JHY: variants seen among roughly 807,000 people sequenced by gnomAD.
The protein encoded by JHY is junctional cadherin complex regulator.
JHY carries 69 observed loss-of-function variants against 78.0 expected under a neutral mutation model. The observed-to-expected ratio is 0.88, with a 90% CI of 0.73 to 1.08. The LOEUF is 1.08. Ranked by LOEUF, JHY falls within the 50% of genes least tolerant of loss-of-function variation. The pLI, the probability that JHY is intolerant of heterozygous loss-of-function variation, is 0.00. For synonymous variants in JHY, 368 were observed against 342.6 expected (o/e 1.07, Z -0.82); for missense variants, 944 against 927.8 (o/e 1.02, Z -0.23).
chr11:122,916,892 AGTGCTGAGATACAGGCATGAGCTACT>A (rs1159951658), intron 3 of JHY, among the ~76,000 whole-genome samples: 1 of 152,102 alleles, frequency 6.6e-6, no homozygotes, highest in Non-Finnish European at 1.5e-5. Context: ...AGCCTCCCAA[AGTGCTGAGATACAGGCATGAGCTACT>A]GCACCTGGCC....
intron 3 of JHY, among the ~76,000 whole-genome samples, chr11:122,907,739 G>C (rs1265907012): frequency 2.6e-5 from 4 of 151,234 alleles, no homozygotes; most frequent in Non-Finnish European, 5.9e-5. Flanking sequence ...AGCTACTCGG[G>C]AGGCTGAGGC....
At chr11:122,904,741 TTA>T (rs1226720432) in intron 3 of JHY, among the ~76,000 whole-genome samples, 11 of 152,368 alleles carry the variant, frequency 7.2e-5, no homozygotes, top group African/African-American at 1.9e-4. Context: ...AAGTCCATTG[TTA>T]TGTCAGTTAT....
chr11:122,956,617 G>C, intron 7 of JHY, 41 bp downstream of exon 7: 1 of 1,555,716 alleles, frequency 6.4e-7, no homozygotes. Context: ...ACCTGACTCA[G>C]CCCATCTGTC....
rs113946401 is a variant in JHY, at chr11:122,935,240, CT to C, written c.1634+178del. ...TCTGATTCCTGCCTCAAAGAGTCCA[CT>C]TTTTTTTTTTTTAGACAGATTCTTG... On this transcript the variant is annotated intron_variant, in intron 5 of 8. Coordinates refer to ENST00000227349, the MANE Select transcript of JHY (RefSeq NM_024806.4). The surrounding 1 kb of genome is among the most constrained non-coding windows in gnomAD (Gnocchi z 4.5). Among the ~76,000 whole-genome samples, 491 of 143,474 alleles carry C rather than the reference CT, an allele frequency of 3.4e-3. 7 individuals are homozygous for C. Among genetic ancestry groups the C allele is most frequent in the African/African-American group, 9.4e-3 (370 of 39,496 alleles). 94.1% of individuals were successfully genotyped at this position (143,474 alleles called of 152,430 possible).
In JHY at chr11:122,959,943, T is replaced by G. The variant is rs1864276389; in HGVS notation, c.*498T>G. ...AAGTTTGGCAAAGGGCTTATATATA[T>G]TAAGTTGAGGCCGGGCACAGTGGCT... On this transcript the variant is annotated 3_prime_UTR_variant, in exon 9 of 9. Transcript: ENST00000227349. The G allele has an allele frequency of 1.9e-5, 3 of 155,704 alleles. No homozygotes were observed. Among genetic ancestry groups the G allele is most frequent in the Non-Finnish European group, 2.8e-5 (2 of 70,684 alleles). 9.6% of individuals were successfully genotyped at this position (155,704 alleles called of 1,614,324 possible). A position where few individuals can be genotyped will look rare whatever the true frequency, so the allele number is the denominator to read the frequency against.
At chr11:122,945,600 C>T (rs942772042) in intron 5 of JHY, among the ~76,000 whole-genome samples, 7 of 152,110 alleles carry the variant, frequency 4.6e-5, no homozygotes, top group Admixed American at 6.5e-5. Context: ...CCACCTTTTC[C>T]GTGGAAACCT....
chr11:122,932,619 T>G (rs971188057), intron 4 of JHY, among the ~76,000 whole-genome samples: 1 of 152,228 alleles, frequency 6.6e-6, no homozygotes, highest in East Asian at 1.9e-4. Context: ...TCAGCATCAA[T>G]TAATACTTTT....
intron 3 of JHY, among the ~76,000 whole-genome samples, chr11:122,915,391 G>C (rs372793770): frequency 6.6e-6 from 1 of 152,326 alleles, no homozygotes; most frequent in South Asian, 2.1e-4. Context: ...ATCAGATAAG[G>C]TCCCCAAGAA....
At chr11:122,943,012 C>G (rs539018841) in intron 5 of JHY, among the ~76,000 whole-genome samples, 1 of 152,118 alleles carries the variant, frequency 6.6e-6, no homozygotes, top group African/African-American at 2.4e-5. Flanking sequence ...CTAGCTGGGA[C>G]TACAGACAGG....
intron 2 of JHY, among the ~76,000 whole-genome samples, chr11:122,900,695 A>T (rs944658450): frequency 6.6e-6 from 1 of 152,064 alleles, no homozygotes; most frequent in Non-Finnish European, 1.5e-5. Flanking sequence ...TGTCAAGTAC[A>T]TTCTGACCTA....
intron 6 of JHY, among the ~76,000 whole-genome samples, chr11:122,951,209 C>G (rs998241038): frequency 3.3e-5 from 5 of 152,208 alleles, no homozygotes; most frequent in African/African-American, 1.2e-4. Context: ...CTTCTCCTGA[C>G]AGCTCTGTTG....
rs766098439 is a variant in JHY at position 122,924,966 on chromosome 11, A to G, written c.934A>G (p.Ile312Val). 2.5e-6 allele frequency: 4 copies of G among 1,614,160 alleles called. No individual in the cohort carries two copies. The highest frequency in any genetic ancestry group is 1.7e-5 in the Admixed American group (1 of 60,014). The change falls in exon 4 of 9, where the codon ATC (isoleucine) becomes GTC (valine). Residue 312 changes from isoleucine (I) to valine (V), a missense_variant. By Grantham distance (29) the Ile-to-Val change is conservative. Coordinates refer to ENST00000227349, the MANE Select transcript of JHY (RefSeq NM_024806.4). ...QNAKEMENAA[I>V]DPEDKWHQRA... ...TGCCAAGGAAATGGAAAATGCTGCCATCGATCCTGAAGATAAATGGCATCA... is the reference window on the plus strand; with the variant it reads ...TGCCAAGGAAATGGAAAATGCTGCCGTCGATCCTGAAGATAAATGGCATCA...
At chr11:122,893,888 A>T (rs1022578456) in intron 2 of JHY, among the ~76,000 whole-genome samples, 1 of 152,140 alleles carries the variant, frequency 6.6e-6, no homozygotes, top group Admixed American at 6.5e-5. Context: ...CAAGACCTAG[A>T]GTGGTGGAAA....
Position 122,959,561 on chromosome 11 carries a change from G to A in JHY, c.*116G>A, listed in dbSNP as rs148449715. ...GGCCTATTATTATCATCTATCTGCC[G>A]TCCATGTTTGCTTTCTGCAGGATTT... On this transcript the variant is annotated 3_prime_UTR_variant, in exon 9 of 9. Coordinates refer to ENST00000227349, the MANE Select transcript of JHY (RefSeq NM_024806.4). 1,445 of 994,686 alleles carry A rather than the reference G, an allele frequency of 1.5e-3. 22 individuals carry two copies. The African/African-American group carries it at 0.022, about 15-fold the overall frequency. 61.6% of individuals were successfully genotyped at this position (994,686 alleles called of 1,614,324 possible). A position where few individuals can be genotyped will look rare whatever the true frequency, so the allele number is the denominator to read the frequency against.
rs928907093 is a variant in JHY, at chr11:122,963,773, G to A, written c.*4328G>A. On this transcript the variant is annotated 3_prime_UTR_variant, in exon 9 of 9. Transcript: ENST00000227349. ...ATGTAATGATGGAGCACCTGTATTT[G>A]ACTAGATGTTATATACATGCCATTG... is the stretch of plus-strand genomic sequence containing the variant. Among the ~76,000 whole-genome samples, 5 of 152,102 alleles carry A rather than the reference G, an allele frequency of 3.3e-5. No individual in the cohort carries two copies. Among genetic ancestry groups the A allele is most frequent in the Non-Finnish European group, 5.9e-5 (4 of 67,984 alleles).
Position 122,949,801 on chromosome 11 carries a change from G to A in JHY, c.1929+3009G>A, listed in dbSNP as rs1467722479. Reference sequence around the variant, plus strand: ...GGGAGAATCCCCGGTTCCACTGTAAGTAAGGAGAAAGGTGTTCCTTTTTTC... The same window carrying A: ...GGGAGAATCCCCGGTTCCACTGTAAATAAGGAGAAAGGTGTTCCTTTTTTC... On this transcript the variant is annotated intron_variant, in intron 6 of 8. Transcript: ENST00000227349. Among the ~76,000 whole-genome samples the A allele has an allele frequency of 4.0e-5, 6 of 151,756 alleles. No homozygotes were observed. The East Asian group carries it at 1.2e-3, about 29-fold the overall frequency.
intron 2 of JHY, among the ~76,000 whole-genome samples, chr11:122,887,996 C>G (rs961184554): frequency 1.6e-4 from 24 of 151,266 alleles, no homozygotes; most frequent in African/African-American, 4.9e-4. Context: ...AAGTAGAGCC[C>G]GGTCCTGAGT....
chr11:122,942,872 A>C (rs571009409), intron 5 of JHY, among the ~76,000 whole-genome samples: 3 of 151,940 alleles, frequency 2.0e-5, no homozygotes, highest in South Asian at 4.2e-4. Flanking sequence ...GTTTAGTTCT[A>C]AGTATTTTCT....
chr11:122,940,918 A>G (rs1002015959), intron 5 of JHY, among the ~76,000 whole-genome samples: 2 of 151,034 alleles, frequency 1.3e-5, no homozygotes, highest in African/African-American at 4.9e-5. Context: ...TCCTATAAAC[A>G]TGTTAAAGTC....
Sources: allele counts gnomAD v4.1 joint callset (sites outside exome capture counted in the v4.1 genomes callset), GRCh38; gene constraint gnomAD v4.1.1; non-coding constraint Gnocchi (gnomAD v3.1); transcripts MANE v1.5; gene names NCBI Gene and HGNC (gene_info 2026-07-23, HGNC 2026-07-21).